The following TLK1 variants were observed in gnomAD, a reference collection of about 807,000 sequenced individuals.
TLK1 encodes the protein serine/threonine-protein kinase tousled-like 1.
Under a neutral mutation model 105.3 loss-of-function variants are expected in TLK1, and 24 were observed. That is an observed-to-expected ratio of 0.23 (90% CI 0.17 to 0.32). TLK1 has a LOEUF of 0.32. TLK1 is among the 10% of genes least tolerant of loss of function. The pLI is 1.00. For synonymous variants in TLK1, 321 were observed against 310.4 expected (o/e 1.03, Z -0.36); for missense variants, 558 against 910.5 (o/e 0.61, Z 4.98).
chr2:171,040,869 G>A lies in TLK1; in HGVS notation c.1169+5305C>T, dbSNP rs866527585. Among the ~76,000 whole-genome samples, 115 of 151,952 alleles carry A rather than the reference G, an allele frequency of 7.6e-4. No homozygotes were observed. In the Middle Eastern group the frequency reaches 0.01, roughly 13 times the overall value. On this transcript the variant is annotated intron_variant, in intron 11 of 20. Transcript: ENST00000431350. ...TGGGATTACAGGCCTGAGCCACCAC[G>A]CCCAGCCTAAAATATATTCTTAATT...
chr2:171,060,104 A>G, intron 4 of TLK1: 1 of 1,478,746 alleles, frequency 6.8e-7, no homozygotes, highest in Non-Finnish European at 9.0e-7. Flanking sequence ...AAGGTGAAAC[A>G]AGAAAAAACA....
At chr2:171,053,952 T>C in intron 7 of TLK1, 99 bp from the exon 8 acceptor site, 1 of 891,238 alleles carries the variant, frequency 1.1e-6, no homozygotes, top group South Asian at 2.0e-5. Flanking sequence ...TAAAGAAAAA[T>C]ATATTTGTGT....
chr2:171,080,129 G>A (rs1408239897), intron 3 of TLK1, among the ~76,000 whole-genome samples: 7 of 150,508 alleles, frequency 4.7e-5, no homozygotes, highest in Admixed American at 6.6e-5. Context: ...CCTGGGAGGC[G>A]GAGTTTGCAG....
intron 10 of TLK1, among the ~76,000 whole-genome samples, chr2:171,048,597 C>T (rs1687071134): frequency 3.1e-5 from 1 of 32,644 alleles, no homozygotes; most frequent in Non-Finnish European, 1.1e-4. Context: ...ATATGTAAAC[C>T]TTTAACAAGT....
chr2:171,023,725 AT>A (rs1318514024), intron 12 of TLK1, among the ~76,000 whole-genome samples: 2 of 152,192 alleles, frequency 1.3e-5, no homozygotes, highest in African/African-American at 4.8e-5. Context: ...CTTTTTAAAA[AT>A]ATAGACATTT....
Position 171,026,433 on chromosome 2 carries a change from T to C in TLK1, c.1236+1906A>G, listed in dbSNP as rs537847293. Among the ~76,000 whole-genome samples the C allele has an allele frequency of 9.2e-5, 14 of 152,322 alleles. No homozygotes were observed. The South Asian group carries it at 2.9e-3, about 32-fold the overall frequency. Reference sequence around the variant, plus strand: ...TGAAGCCTTTTCAAAGTGTACTTTTTGTAATACAAATAGCCAATTCCTAAT... The same window carrying C: ...TGAAGCCTTTTCAAAGTGTACTTTTCGTAATACAAATAGCCAATTCCTAAT... On this transcript the variant is annotated intron_variant, in intron 12 of 20. Coordinates refer to ENST00000431350, the MANE Select transcript of TLK1 (RefSeq NM_012290.5).
intron 11 of TLK1, among the ~76,000 whole-genome samples, chr2:171,034,229 T>C (rs1454022965): frequency 6.6e-6 from 1 of 152,072 alleles, no homozygotes; most frequent in Non-Finnish European, 1.5e-5. Context: ...AGATACAGAA[T>C]TACCATAATA....
At chr2:171,152,072 C>T (rs763718527) in intron 1 of TLK1, among the ~76,000 whole-genome samples, 2 of 152,086 alleles carry the variant, frequency 1.3e-5, no homozygotes, top group Non-Finnish European at 2.9e-5. Context: ...ACCTAAGTGT[C>T]CAGTGGGGAA....
At chr2:171,103,438 C>G (rs929317309) in intron 2 of TLK1, among the ~76,000 whole-genome samples, 1 of 151,786 alleles carries the variant, frequency 6.6e-6, no homozygotes, top group Non-Finnish European at 1.5e-5. Context: ...CCACCATGTC[C>G]GGCTAATTTT....
At chr2:171,177,617 T>C (rs935282947) in intron 1 of TLK1, among the ~76,000 whole-genome samples, 3 of 152,198 alleles carry the variant, frequency 2.0e-5, no homozygotes, top group Admixed American at 6.5e-5. Context: ...CTTTACCATT[T>C]TGTTTAGAAC....
chr2:171,204,553 A>G (rs1480353740), intron 1 of TLK1, among the ~76,000 whole-genome samples: 22 of 151,176 alleles, frequency 1.5e-4, no homozygotes, highest in Admixed American at 1.4e-3. Context: ...TCATTTGAGC[A>G]TCCAAAAAAA....
intron 1 of TLK1, among the ~76,000 whole-genome samples, chr2:171,145,298 C>T (rs1336358025): frequency 6.7e-6 from 1 of 149,884 alleles, no homozygotes; most frequent in Non-Finnish European, 1.5e-5. Context: ...AGACTACAAA[C>T]AAACAAAAAA....
upstream of TLK1, among the ~76,000 whole-genome samples, chr2:171,162,333 T>A (rs1423632421): frequency 2.6e-5 from 4 of 151,848 alleles, no homozygotes; most frequent in Non-Finnish European, 4.4e-5. Context: ...AGGTCAGGAG[T>A]TTGAGACCAG....
chr2:171,013,490 G>C (rs1327887834), intron 13 of TLK1, among the ~76,000 whole-genome samples: 1 of 151,728 alleles, frequency 6.6e-6, no homozygotes, highest in Admixed American at 6.6e-5. Context: ...ATTTTTTGTA[G>C]AGACAGGGTT....
chr2:171,074,952 C>T (rs1688434627), intron 3 of TLK1, among the ~76,000 whole-genome samples: 1 of 151,906 alleles, frequency 6.6e-6, no homozygotes, highest in Admixed American at 6.6e-5. Flanking sequence ...TTCAGTGATA[C>T]TTATCCCATC....
rs536903674 is a variant in TLK1 at position 171,212,504 on chromosome 2, G to A, written c.-6+18641C>T. On this transcript the variant is annotated intron_variant, in intron 1 of 20. Coordinates refer to the TLK1 transcript ENST00000521943. ...GGAAATAAGGGACATCATTTTAGAC[G>A]TCCTTTATCAATGTCAGTGGAGTCT... Among the ~76,000 whole-genome samples the A allele has an allele frequency of 7.2e-5, 11 of 152,164 alleles. No individual in the cohort carries two copies. In the East Asian group the frequency reaches 7.7e-4, roughly 11 times the overall value.
chr2:171,220,371 G>T (rs11893993), intron 1 of TLK1, among the ~76,000 whole-genome samples: 42,043 of 151,992 alleles, frequency 0.28, 6,752 homozygotes, highest in African/African-American at 0.43. Flanking sequence ...GCTCCCACAA[G>T]GAATGAGAGC....
chr2:171,192,923 C>T (rs932467923), intron 1 of TLK1, among the ~76,000 whole-genome samples: 13 of 152,164 alleles, frequency 8.5e-5, no homozygotes, highest in African/African-American at 2.9e-4. Context: ...TGTTTCCATG[C>T]TATTATTCTC....
At chr2:171,126,750 G>A (rs73976285) in intron 1 of TLK1, among the ~76,000 whole-genome samples, 20,546 of 151,566 alleles carry the variant, frequency 0.14, 2,380 homozygotes, top group African/African-American at 0.32. Flanking sequence ...ATTCACTCGA[G>A]ATTTTAACTG....
Sources: allele counts gnomAD v4.1 joint callset (sites outside exome capture counted in the v4.1 genomes callset), GRCh38; gene constraint gnomAD v4.1.1; transcripts MANE v1.5; gene names NCBI Gene and HGNC (gene_info 2026-07-23, HGNC 2026-07-21).